The following PDE10A variants were observed in gnomAD, a reference collection of about 807,000 sequenced individuals.
PDE10A encodes the protein cAMP and cAMP-inhibited cGMP 3',5'-cyclic phosphodiesterase 10A.
Under a neutral mutation model 97.7 loss-of-function variants are expected in PDE10A, and 39 were observed. The ratio of observed to expected loss-of-function variants is 0.40; its 90% CI spans 0.31 to 0.52. The LOEUF is 0.52. Ranked by LOEUF, PDE10A falls within the 20% of genes least tolerant of loss-of-function variation. The pLI, the probability that PDE10A is intolerant of heterozygous loss-of-function variation, is 0.56. For synonymous variants in PDE10A, 371 were observed against 376.8 expected (o/e 0.98, Z 0.18); for missense variants, 731 against 1,047.8 (o/e 0.70, Z 4.17).
At chr6:165,625,708 C>A (rs1009801202) in intron 1 of PDE10A, among the ~76,000 whole-genome samples, 1 of 152,016 alleles carries the variant, frequency 6.6e-6, no homozygotes, top group Non-Finnish European at 1.5e-5. Context: ...TTTCCCTGCA[C>A]AAATTCTCTC....
intron 1 of PDE10A, among the ~76,000 whole-genome samples, chr6:165,895,279 C>G (rs1434870349): frequency 2.0e-5 from 3 of 152,140 alleles, no homozygotes; most frequent in Non-Finnish European, 2.9e-5. Context: ...AACAGGTGTC[C>G]TTATAAGAAG....
chr6:165,341,416 G>C (rs1781960280), intron 19 of PDE10A, among the ~76,000 whole-genome samples: 1 of 152,108 alleles, frequency 6.6e-6, no homozygotes, highest in Non-Finnish European at 1.5e-5. Context: ...CATTTGTCTA[G>C]AATATAGAAA....
chr6:165,638,186 C>G (rs561739840), intron 1 of PDE10A, among the ~76,000 whole-genome samples: 1 of 152,076 alleles, frequency 6.6e-6, no homozygotes, highest in South Asian at 2.1e-4. Context: ...CACCCTCCCC[C>G]CACCAAAAAA....
intron 1 of PDE10A, among the ~76,000 whole-genome samples, chr6:165,811,169 G>A (rs1472131122): frequency 6.6e-6 from 1 of 152,196 alleles, no homozygotes; most frequent in East Asian, 1.9e-4. Flanking sequence ...GATGCAGTGA[G>A]CCAAGATTGC....
At chr6:165,925,106 G>T (rs1782893571) in intron 1 of PDE10A, among the ~76,000 whole-genome samples, 1 of 152,178 alleles carries the variant, frequency 6.6e-6, no homozygotes. Context: ...CAGCTGCTTT[G>T]TTGAAGAGGA....
intron 2 of PDE10A, among the ~76,000 whole-genome samples, chr6:165,509,292 T>C (rs1385960269): frequency 6.6e-6 from 1 of 152,190 alleles, no homozygotes; most frequent in Middle Eastern, 3.4e-3. Flanking sequence ...TTTATTCTTC[T>C]GCATATGGAT....
intron 13 of PDE10A, among the ~76,000 whole-genome samples, chr6:165,399,796 G>A (rs1362656546): frequency 6.6e-6 from 1 of 152,160 alleles, no homozygotes; most frequent in Non-Finnish European, 1.5e-5. Context: ...TGGTGTATAT[G>A]TGCCACATTT....
intron 3 of PDE10A, among the ~76,000 whole-genome samples, chr6:165,480,985 G>A (rs1779574980): frequency 6.6e-6 from 1 of 152,170 alleles, no homozygotes; most frequent in African/African-American, 2.4e-5. Context: ...TAATGTAAGA[G>A]AATCTTATGA....
At chr6:165,958,005 G>A (rs917135004) in intron 1 of PDE10A, among the ~76,000 whole-genome samples, 5 of 152,298 alleles carry the variant, frequency 3.3e-5, no homozygotes, top group Middle Eastern at 3.4e-3. Flanking sequence ...AAGCATGATC[G>A]TAACGGTCTT....
At chr6:165,701,057 C>G (rs1791558624) in intron 1 of PDE10A, among the ~76,000 whole-genome samples, 6 of 152,192 alleles carry the variant, frequency 3.9e-5, no homozygotes, top group Admixed American at 3.9e-4. Flanking sequence ...TTTCTTGTGC[C>G]TAGTAGGTTA....
chr6:165,880,858 T>C (rs545888260), intron 1 of PDE10A, among the ~76,000 whole-genome samples: 85 of 152,212 alleles, frequency 5.6e-4, no homozygotes, highest in African/African-American at 1.9e-3. Context: ...AGCATTCTTT[T>C]TTGCCAAGCA....
chr6:165,534,001 T>C (rs1782933825), intron 2 of PDE10A, among the ~76,000 whole-genome samples: 1 of 152,026 alleles, frequency 6.6e-6, no homozygotes, highest in Non-Finnish European at 1.5e-5. Context: ...GGCCAAATAC[T>C]CTCAGAAAGA....
intron 18 of PDE10A, among the ~76,000 whole-genome samples, chr6:165,347,130 AG>A (rs1373334956): frequency 2.0e-5 from 3 of 152,090 alleles, no homozygotes; most frequent in Non-Finnish European, 4.4e-5. Flanking sequence ...CTCATTTTCA[AG>A]GGATTTTAAA....
chr6:165,743,934 C>T (rs1038931438), intron 1 of PDE10A, among the ~76,000 whole-genome samples: 1 of 152,160 alleles, frequency 6.6e-6, no homozygotes, highest in Non-Finnish European at 1.5e-5. Flanking sequence ...AGCTAGACTG[C>T]CTGTGTTTAT....
chr6:165,781,285 T>C (rs1249779347), intron 1 of PDE10A: 1 of 151,762 alleles, frequency 6.6e-6, no homozygotes, highest in South Asian at 2.1e-4. Flanking sequence ...ACCCACCTAT[T>C]ATTTTTTTTA....
chr6:165,338,408 A>G (rs1018989603), intron 20 of PDE10A, among the ~76,000 whole-genome samples: 1 of 152,222 alleles, frequency 6.6e-6, no homozygotes, highest in African/African-American at 2.4e-5. Flanking sequence ...AGAAGATGAG[A>G]CAGTTAACGA....
intron 1 of PDE10A, among the ~76,000 whole-genome samples, chr6:165,835,899 G>A (rs925198624): frequency 6.6e-6 from 1 of 152,166 alleles, no homozygotes; most frequent in African/African-American, 2.4e-5. Context: ...AAGTCTTCCA[G>A]TATTAGCAGT....
intron 1 of PDE10A, among the ~76,000 whole-genome samples, chr6:165,707,418 T>A (rs1791739883): frequency 6.6e-6 from 1 of 152,192 alleles, no homozygotes; most frequent in Non-Finnish European, 1.5e-5. Flanking sequence ...GAGTCCAGCG[T>A]CTCTATCCCT....
chr6:165,496,278 G>C (rs180909507), intron 2 of PDE10A, among the ~76,000 whole-genome samples: 15 of 152,228 alleles, frequency 9.9e-5, no homozygotes, highest in Admixed American at 8.5e-4. Flanking sequence ...CCTCTCAAGA[G>C]CAATAAGCCC....
Sources: allele counts gnomAD v4.1 joint callset (sites outside exome capture counted in the v4.1 genomes callset), GRCh38; gene constraint gnomAD v4.1.1; transcripts MANE v1.5; gene names NCBI Gene and HGNC (gene_info 2026-07-23, HGNC 2026-07-21).